Variants in RGPD2 observed in about 807,000 individuals in gnomAD.
The protein encoded by RGPD2 is RANBP2 like and GRIP domain containing 2, also known as RANBP2-like and GRIP domain-containing protein 2.
RGPD2 carries 2 observed loss-of-function variants against 36.0 expected under a neutral mutation model. That is an observed-to-expected ratio of 0.06 (90% confidence interval 0.02 to 0.17). RGPD2 has a LOEUF of 0.17. RGPD2 is among the 10% of genes least tolerant of loss of function. The pLI, the probability that RGPD2 is intolerant of heterozygous loss-of-function variation, is 1.00. For missense variants in RGPD2, 40 were observed against 464.3 expected (o/e 0.09, Z 8.40); for synonymous variants, 19 against 163.8 (o/e 0.12, Z 6.75).
the RGPD2 span, among the ~76,000 whole-genome samples, chr2:87,884,426 G>A: frequency 2.0e-5 from 3 of 151,624 alleles, no homozygotes; most frequent in Admixed American, 2.0e-4. Flanking sequence ...AAAGATAGCA[G>A]AAGAAAGAAA....
chr2:87,815,108 T>C (rs1686244119), intron 4 of RGPD2, among the ~76,000 whole-genome samples: 1 of 144,352 alleles, frequency 6.9e-6, no homozygotes, highest in Non-Finnish European at 1.5e-5. Flanking sequence ...TTGACAGTAG[T>C]GGTGGTATGA....
chr2:87,847,623 C>T, the RGPD2 span, among the ~76,000 whole-genome samples: 227 of 151,394 alleles, frequency 1.5e-3, no homozygotes, highest in African/African-American at 5.2e-3. Context: ...CTCAGCCTCC[C>T]GAGTAGCTGG....
rs1402432644 is a variant in RGPD2, at chr2:87,805,684, C to A, written c.975+1012G>T. Among the ~76,000 whole-genome samples, 7 of 152,260 alleles carry A rather than the reference C, an allele frequency of 4.6e-5. No individual in the cohort carries two copies. The East Asian group carries it at 1.4e-3, about 29-fold the overall frequency. On this transcript the variant is annotated intron_variant, in intron 7 of 22. Coordinates refer to ENST00000398146, the MANE Select transcript of RGPD2 (RefSeq NM_001078170.3). ...ACCATCCTGGCTAACACGGTGAAAC[C>A]CCGTCTCTACTAAAAATACAAAAAA...
At chr2:87,918,612 G>A in the RGPD2 span, among the ~76,000 whole-genome samples, 3,742 of 151,962 alleles carry the variant, frequency 0.025, 165 homozygotes, top group African/African-American at 0.086. Context: ...TGAAATGTTT[G>A]CATCTGCTTT....
the RGPD2 span, among the ~76,000 whole-genome samples, chr2:87,972,072 G>A: frequency 6.6e-6 from 1 of 151,760 alleles, no homozygotes; most frequent in Non-Finnish European, 1.5e-5. Flanking sequence ...GTAAAAGATA[G>A]GACTAAATTT....
At chr2:87,873,144 A>G in the RGPD2 span, among the ~76,000 whole-genome samples, 1 of 152,100 alleles carries the variant, frequency 6.6e-6, no homozygotes, top group Non-Finnish European at 1.5e-5. Context: ...TTCCAACTCC[A>G]TCCATGTCCC....
At position 87,825,442 on chromosome 2, in the gene RGPD2, CCCGGCCA is replaced by C. The variant is rs1239810060; in HGVS notation, c.72+209_72+215del. Among the ~76,000 whole-genome samples the C allele has an allele frequency of 3.1e-3, 371 of 118,938 alleles. 5 individuals are homozygous for C. The highest frequency in any genetic ancestry group is 5.7e-3 in the Middle Eastern group (1 of 174). 78.0% of individuals were successfully genotyped at this position (118,938 alleles called of 152,430 possible). A position where few individuals can be genotyped will look rare whatever the true frequency, so the allele number is the denominator to read the frequency against. On this transcript the variant is annotated intron_variant, in intron 1 of 22. Coordinates refer to ENST00000398146, the MANE Select transcript of RGPD2 (RefSeq NM_001078170.3). ...GCCGCCGCCGCCGCCGCCGCCGCCG[CCCGGCCA>C]GGCCGAGGCCGAGGCCGAGGCCGCC...
At position 87,825,549 on chromosome 2, in the gene RGPD2, C is replaced by T. The variant is rs1184643093; in HGVS notation, c.72+109G>A. The T allele has an allele frequency of 2.4e-6, 2 of 832,730 alleles. 1 individual carries two copies. The highest frequency in any genetic ancestry group is 2.8e-6 in the Non-Finnish European group (2 of 715,440). The allele number at this position is 832,730 out of a possible 1,614,324, so 51.6% of individuals were successfully genotyped here. ...GCCGAGGCCGAGGCCGAGGCCGCCG[C>T]CCGGCCAGGTCGAGGCCGCCGCCCG... On this transcript the variant is annotated intron_variant, in intron 1 of 22. Coordinates refer to ENST00000398146, the MANE Select transcript of RGPD2 (RefSeq NM_001078170.3).
At chr2:87,947,324 T>C in the RGPD2 span, among the ~76,000 whole-genome samples, 1 of 151,946 alleles carries the variant, frequency 6.6e-6, no homozygotes, top group South Asian at 2.1e-4. Context: ...CCTCAAATAA[T>C]GGGGTTAAAA....
chr2:87,863,712 G>GTATATA, the RGPD2 span, among the ~76,000 whole-genome samples: 16 of 146,382 alleles, frequency 1.1e-4, no homozygotes, highest in African/African-American at 3.8e-4. Flanking sequence ...GTGTGTGTGT[G>GTATATA]TATATATATA....
the RGPD2 span, among the ~76,000 whole-genome samples, chr2:87,883,600 T>C: frequency 6.6e-6 from 1 of 151,900 alleles, no homozygotes. Context: ...CCACTCATAT[T>C]AAAAGTGAAT....
the RGPD2 span, among the ~76,000 whole-genome samples, chr2:87,918,005 A>C: frequency 1.7e-5 from 2 of 114,980 alleles, no homozygotes; most frequent in African/African-American, 7.8e-5. Context: ...TTCACATAGA[A>C]CTCAAAAAAT....
At chr2:87,879,469 A>G in the RGPD2 span, among the ~76,000 whole-genome samples, 1 of 134,370 alleles carries the variant, frequency 7.4e-6, no homozygotes, top group Non-Finnish European at 1.6e-5. Flanking sequence ...ACACACACTG[A>G]GTACCCTTCC....
intron 22 of RGPD2, among the ~76,000 whole-genome samples, chr2:87,760,752 G>A (rs1200256098): frequency 2.9e-5 from 1 of 34,884 alleles, no homozygotes; most frequent in African/African-American, 1.1e-4. Context: ...CGAGTAGCTG[G>A]GACTACAGGC....
the RGPD2 span, among the ~76,000 whole-genome samples, chr2:87,978,117 AAAAAT>A: frequency 2.0e-5 from 3 of 149,614 alleles, no homozygotes; most frequent in Non-Finnish European, 3.0e-5. Flanking sequence ...ACTCCATCTC[AAAAAT>A]AAAATAAAAT....
chr2:87,825,964 C>T (rs921092389), upstream of RGPD2: 27 of 505,100 alleles, frequency 5.3e-5, no homozygotes, highest in Non-Finnish European at 8.7e-5. Flanking sequence ...CCGCCGGGCG[C>T]CGTGGCTCAC....
chr2:87,825,623 G>A, intron 1 of RGPD2, 35 bp downstream of exon 1: 2 of 1,497,180 alleles, frequency 1.3e-6, no homozygotes, highest in East Asian at 2.7e-5. Context: ...CGCCCGGCCA[G>A]GTCGAGGCCG....
chr2:87,912,013 T>C, the RGPD2 span, among the ~76,000 whole-genome samples: 1 of 152,194 alleles, frequency 6.6e-6, no homozygotes, highest in African/African-American at 2.4e-5. Context: ...ATGTTACATA[T>C]GTCTGAATTT....
At chr2:87,968,876 CTCT>C in the RGPD2 span, 6 of 165,026 alleles carry the variant, frequency 3.6e-5, no homozygotes, top group Non-Finnish European at 7.2e-5. Flanking sequence ...AATTGGGCCC[CTCT>C]TCTTCTGGTA....
Sources: allele counts gnomAD v4.1 joint callset (sites outside exome capture counted in the v4.1 genomes callset), GRCh38; gene constraint gnomAD v4.1.1; transcripts MANE v1.5; gene names NCBI Gene and HGNC (gene_info 2026-07-23, HGNC 2026-07-21).